The following GMEB2 variants were observed in gnomAD, a reference collection of about 807,000 sequenced individuals.
GMEB2 encodes the protein glucocorticoid modulatory element binding protein 2.
In GMEB2, 7 loss-of-function variants were observed where a neutral mutation model predicts 45.7. The ratio of observed to expected loss-of-function variants is 0.15; its 90% CI spans 0.09 to 0.29. GMEB2 has a LOEUF of 0.29. GMEB2 is among the 10% of genes least tolerant of loss of function. The pLI, the probability that GMEB2 is intolerant of heterozygous loss-of-function variation, is 1.00. For synonymous variants in GMEB2, 322 were observed against 323.6 expected (o/e 1.00, Z 0.05); for missense variants, 582 against 739.2 (o/e 0.79, Z 2.47).
Position 63,590,582 on chromosome 20 carries a change from C to T in GMEB2, c.1100G>A (p.Gly367Glu). 6.3e-7 allele frequency: 1 copy of T among 1,585,352 alleles called. No homozygotes were observed. ...KRPRLARATS[G>E]PAAMASQVLT... ...CACCTGCGAGGCCATGGCGGCCGGT[C>T]CTGATGTGGCACGTGCAAGCCGGGG... The change falls in exon 10 of 10, where the codon GGA (glycine) becomes GAA (glutamate). Residue 367 changes from glycine (G) to glutamate (E), a missense_variant. This residue lies in a region of GMEB2 where 462 missense variants were observed against 586.7 expected (regional missense o/e 0.79). Transcript: ENST00000370077.
intron 1 of GMEB2, among the ~76,000 whole-genome samples, chr20:63,623,564 C>A (rs530846900): frequency 6.7e-6 from 1 of 150,206 alleles, no homozygotes; most frequent in Non-Finnish European, 1.5e-5. Context: ...TTTGGGAGGC[C>A]GCGGCGGGTG....
At chr20:63,611,583 C>T (rs1481844353) in intron 2 of GMEB2, among the ~76,000 whole-genome samples, 1 of 151,802 alleles carries the variant, frequency 6.6e-6, no homozygotes, top group Non-Finnish European at 1.5e-5. Flanking sequence ...CCACTGCACT[C>T]CAGCCTGTGT....
In GMEB2 at chr20:63,592,743, A is replaced by C; in HGVS notation, c.692-73T>G. 8.1e-7 allele frequency: 1 copy of C among 1,230,618 alleles called. No individual in the cohort carries two copies. Among genetic ancestry groups the C allele is most frequent in the Non-Finnish European group, 1.2e-6 (1 of 838,334 alleles). The allele number at this position is 1,230,618 out of a possible 1,614,324, so 76.2% of individuals were successfully genotyped here. On this transcript the variant is annotated intron_variant, in intron 7 of 9. Transcript: ENST00000370077. This position sits in a 1 kb window ranked among gnomAD's most constrained non-coding sequence, Gnocchi z 8.2. Reference sequence around the variant, plus strand: ...CGGGGCAGCCACCACAGCCACAAGGACATCACCATAGCCACGAGGACACCA... The same window carrying C: ...CGGGGCAGCCACCACAGCCACAAGGCCATCACCATAGCCACGAGGACACCA...
intron 4 of GMEB2, among the ~76,000 whole-genome samples, chr20:63,599,121 ACTCCTGACCCCCCAGAGCTAACGCAGCCG>A (rs1651598021): frequency 6.6e-6 from 1 of 150,970 alleles, no homozygotes; most frequent in East Asian, 2.0e-4. Context: ...TAACGCGGCC[ACTCCTGACCCCCCAGAGCTAACGCAGCCG>A]CTCCTGACCC....
At chr20:63,594,317 C>A (rs927330094) in intron 6 of GMEB2, among the ~76,000 whole-genome samples, 7 of 152,244 alleles carry the variant, frequency 4.6e-5, no homozygotes. Flanking sequence ...AGGCCCAGTT[C>A]CTTCCCTGGC....
At chr20:63,598,130 C>T (rs2083213575) in intron 4 of GMEB2, among the ~76,000 whole-genome samples, 1 of 152,184 alleles carries the variant, frequency 6.6e-6, no homozygotes, top group Non-Finnish European at 1.5e-5. Context: ...CTGACCACAC[C>T]AGGTAGAAGG....
chr20:63,622,800 T>G (rs1197335065), intron 1 of GMEB2, among the ~76,000 whole-genome samples: 1 of 152,160 alleles, frequency 6.6e-6, no homozygotes, highest in Non-Finnish European at 1.5e-5. Context: ...GGATGGTGGT[T>G]AAACACCATG....
In GMEB2 at chr20:63,589,249, G is replaced by A. The variant is rs981774729; in HGVS notation, c.*840C>T. 1.5e-5 allele frequency: 6 copies of A among 398,754 alleles called. No homozygotes were observed. The highest frequency in any genetic ancestry group is 7.1e-5 in the East Asian group (2 of 28,236). The allele number at this position is 398,754 out of a possible 1,614,324, so 24.7% of individuals were successfully genotyped here. On this transcript the variant is annotated 3_prime_UTR_variant, in exon 10 of 10. Coordinates refer to ENST00000370077, the MANE Select transcript of GMEB2 (RefSeq NM_012384.5). ...CAGGGACAGGCTGCCCAGGACCTCC[G>A]CACCCGGTCAAGTGCACTCACAGGG... is the stretch of plus-strand genomic sequence containing the variant.
chr20:63,598,144 G>A (rs2083213783), intron 4 of GMEB2, among the ~76,000 whole-genome samples: 1 of 152,216 alleles, frequency 6.6e-6, no homozygotes, highest in Non-Finnish European at 1.5e-5. Context: ...TAGAAGGTGT[G>A]TGGCCTTCTC....
Position 63,588,928 on chromosome 20 carries a change from C to T in GMEB2, c.*1161G>A. 2.5e-6 allele frequency: 1 copy of T among 398,918 alleles called. No homozygotes were observed. The highest frequency in any genetic ancestry group is 4.4e-6 in the Non-Finnish European group (1 of 226,290). The allele number at this position is 398,918 out of a possible 1,614,324, so 24.7% of individuals were successfully genotyped here. On this transcript the variant is annotated 3_prime_UTR_variant, in exon 10 of 10. Coordinates refer to ENST00000370077, the MANE Select transcript of GMEB2 (RefSeq NM_012384.5). The stretch of plus-strand genomic sequence containing the variant: ...TCAGGACAGCCACAGACAGCCCTTC[C>T]AGACAGGCTCTGGGCTCCACCTTCG...
rs1713466479 is a variant in GMEB2 at position 63,593,182 on chromosome 20, CA to C, written c.620-101del. Reference sequence around the variant, plus strand: ...CCTCACACCACCTTCTGAACCTTTCCATCTGTCTTCACAAAACTGACAAACA... The same window carrying C: ...CCTCACACCACCTTCTGAACCTTTCCTCTGTCTTCACAAAACTGACAAACA... On this transcript the variant is annotated intron_variant, in intron 6 of 9. Coordinates refer to ENST00000370077, the MANE Select transcript of GMEB2 (RefSeq NM_012384.5). The surrounding 1 kb of genome is among the most constrained non-coding windows in gnomAD (Gnocchi z 4.7). 1.4e-6 allele frequency: 1 copy of C among 722,672 alleles called. No individual in the cohort carries two copies. Among genetic ancestry groups the C allele is most frequent in the South Asian group, 1.5e-5 (1 of 66,006 alleles). The allele number at this position is 722,672 out of a possible 1,614,324, so 44.8% of individuals were successfully genotyped here.
At chr20:63,599,984 T>C (rs764446358) in intron 4 of GMEB2, among the ~76,000 whole-genome samples, 2 of 152,206 alleles carry the variant, frequency 1.3e-5, no homozygotes, top group Non-Finnish European at 2.9e-5. Flanking sequence ...CATTATTCTC[T>C]AATCCATTGT....
At chr20:63,606,568 C>T (rs554116597) in intron 2 of GMEB2, among the ~76,000 whole-genome samples, 4 of 152,198 alleles carry the variant, frequency 2.6e-5, no homozygotes, top group East Asian at 1.9e-4. Flanking sequence ...AGGATGGTCT[C>T]GATCTCCTGA....
At chr20:63,623,304 C>T (rs6010975) in intron 1 of GMEB2, among the ~76,000 whole-genome samples, 76,722 of 151,964 alleles carry the variant, frequency 0.5, 20,497 homozygotes, top group Middle Eastern at 0.66. Flanking sequence ...CCTCCAGCTG[C>T]TGGTGGGCAA....
rs908886651 is a variant in GMEB2 at position 63,592,199 on chromosome 20, C to T, written c.830-55G>A. 4.5e-6 allele frequency: 7 copies of T among 1,561,258 alleles called. No individual in the cohort carries two copies. Among genetic ancestry groups the T allele is most frequent in the Admixed American group, 1.8e-5 (1 of 56,810 alleles). ...AGCCCAAGCCCTTCCTAGAGAGCCA[C>T]GCGGACGCTCGGTGAGAGCCCGGGA... is the stretch of plus-strand genomic sequence containing the variant. On this transcript the variant is annotated intron_variant, in intron 8 of 9. Coordinates refer to ENST00000370077, the MANE Select transcript of GMEB2 (RefSeq NM_012384.5). This position sits in a 1 kb window ranked among gnomAD's most constrained non-coding sequence, Gnocchi z 8.2.
At chr20:63,609,096 C>G (rs77358500) in intron 2 of GMEB2, among the ~76,000 whole-genome samples, 5,612 of 27,090 alleles carry the variant, frequency 0.21, 1,381 homozygotes, top group Non-Finnish European at 0.45. Flanking sequence ...TAGAAACATG[C>G]CCCTCTGACC....
At chr20:63,613,018 G>A (rs140049147) in intron 2 of GMEB2, among the ~76,000 whole-genome samples, 219 of 151,712 alleles carry the variant, frequency 1.4e-3, no homozygotes, top group Middle Eastern at 3.4e-3. Context: ...CTGGAGTGCA[G>A]TGGCGCAATC....
chr20:63,603,187 A>C, intron 3 of GMEB2, 95 bp from the exon 4 acceptor site: 3 of 1,389,350 alleles, frequency 2.2e-6, no homozygotes, highest in Non-Finnish European at 3.0e-6. Flanking sequence ...ATAGCTACCA[A>C]CATGGAAACC....
chr20:63,606,387 G>A (rs896898885), intron 2 of GMEB2, among the ~76,000 whole-genome samples: 11 of 135,984 alleles, frequency 8.1e-5, no homozygotes, highest in Admixed American at 2.4e-4. Flanking sequence ...TCGCTCTGTC[G>A]CTCAGGCTGG....
Sources: gnomAD v4.1 joint callset for allele counts (sites outside exome capture counted in the v4.1 genomes callset) on GRCh38, gnomAD v4.1.1 for gene constraint, gnomAD v4.1.1 regional missense constraint, Gnocchi (gnomAD v3.1) non-coding constraint, MANE v1.5 for transcripts, NCBI Gene and HGNC (gene_info 2026-07-23, HGNC 2026-07-21) for gene names.